The following MMP26 variants were observed in gnomAD, a reference collection of about 807,000 sequenced individuals.
MMP26 encodes the protein matrix metallopeptidase 26.
A neutral mutation model predicts 31.0 loss-of-function variants in MMP26; 33 were observed. That is an observed-to-expected ratio of 1.06 (90% CI 0.81 to 1.42). MMP26 has a LOEUF of 1.42. Among genes scored for constraint, MMP26 ranks in the 40% most tolerant of loss-of-function variants. The probability of loss-of-function intolerance (pLI) is 0.00; values close to 1 mark genes in which losing one functional copy is unlikely to be tolerated. For synonymous variants in MMP26, 122 were observed against 114.9 expected (o/e 1.06, Z -0.40); for missense variants, 347 against 316.1 (o/e 1.10, Z -0.74).
intron 1 of MMP26, chr11:4,752,039 G>A (rs1308272419): frequency 6.6e-6 from 1 of 152,030 alleles, no homozygotes; most frequent in Non-Finnish European, 1.5e-5. Context: ...TGTTAAATAT[G>A]AATTCCCTTG....
At chr11:4,911,654 T>C (rs751016882) in intron 2 of MMP26, among the ~76,000 whole-genome samples, 36 of 152,290 alleles carry the variant, frequency 2.4e-4, no homozygotes, top group South Asian at 1.0e-3. Flanking sequence ...TCAAGTTTTA[T>C]TTTTCAAATA....
intron 2 of MMP26, among the ~76,000 whole-genome samples, chr11:4,976,617 C>A (rs369301648): frequency 1.3e-5 from 2 of 151,966 alleles, no homozygotes; most frequent in Non-Finnish European, 1.5e-5. Flanking sequence ...GCCCTTCTAC[C>A]TTGGTGCCTT....
chr11:4,746,831 T>TCACACATACACACACA (rs1554929540), intron 1 of MMP26, among the ~76,000 whole-genome samples: 1 of 137,116 alleles, frequency 7.3e-6, no homozygotes, highest in Non-Finnish European at 1.6e-5. Flanking sequence ...TAAGTCTCTG[T>TCACACATACACACACA]CACACACACA....
intron 2 of MMP26, among the ~76,000 whole-genome samples, chr11:4,776,971 A>C (rs149693661): frequency 4.6e-5 from 7 of 152,254 alleles, no homozygotes; most frequent in African/African-American, 1.7e-4. Context: ...TATGTATACT[A>C]TGCTTACCAC....
chr11:4,907,708 A>C (rs772993841), intron 2 of MMP26: 30 of 1,613,708 alleles, frequency 1.9e-5, no homozygotes, highest in Non-Finnish European at 2.4e-5. Flanking sequence ...TGGAATCCTC[A>C]GTACTTCTAA....
chr11:4,745,902 T>G (rs534703579), intron 1 of MMP26, among the ~76,000 whole-genome samples: 2 of 152,308 alleles, frequency 1.3e-5, no homozygotes, highest in East Asian at 3.9e-4. Flanking sequence ...TAGTAAGTAT[T>G]TAAGTTTCTT....
intron 1 of MMP26, chr11:4,724,137 C>A: frequency 1.6e-6 from 1 of 609,288 alleles, no homozygotes; most frequent in East Asian, 2.6e-5. Context: ...TAGAGGTGGA[C>A]ACCTCGTAGG....
At chr11:4,848,342 A>G (rs1849905935) in intron 2 of MMP26, 2 of 1,614,014 alleles carry the variant, frequency 1.2e-6, no homozygotes, top group Admixed American at 1.7e-5. Context: ...ATGGAGGAAG[A>G]AGGAAATGGA....
chr11:4,856,482 T>C (rs186568067), intron 2 of MMP26, among the ~76,000 whole-genome samples: 110 of 152,294 alleles, frequency 7.2e-4, no homozygotes, highest in African/African-American at 2.4e-3. Flanking sequence ...AGAAGGCCAT[T>C]ACATAATGGT....
intron 7 of MMP26, 41 bp from the exon 8 acceptor site, chr11:4,992,173 C>A: frequency 6.3e-7 from 1 of 1,585,514 alleles, no homozygotes; most frequent in Non-Finnish European, 8.5e-7. Context: ...AGGAAAATTT[C>A]ACCTGAAATT....
chr11:4,866,246 C>A (rs182932502), intron 2 of MMP26, among the ~76,000 whole-genome samples: 1 of 152,120 alleles, frequency 6.6e-6, no homozygotes, highest in African/African-American at 2.4e-5. Flanking sequence ...AGTGGCAACA[C>A]TTAGTGCAAG....
chr11:4,921,211 C>T (rs1213032374), intron 2 of MMP26, among the ~76,000 whole-genome samples: 6 of 152,190 alleles, frequency 3.9e-5, no homozygotes, highest in Non-Finnish European at 5.9e-5. Flanking sequence ...AAGGGAAGCT[C>T]TTCTTTTCCC....
intron 2 of MMP26, among the ~76,000 whole-genome samples, chr11:4,975,759 C>G (rs773820444): frequency 6.6e-6 from 1 of 151,982 alleles, no homozygotes; most frequent in Non-Finnish European, 1.5e-5. Flanking sequence ...TATGGAGATA[C>G]GGTTCCTCTT....
intron 1 of MMP26, among the ~76,000 whole-genome samples, chr11:4,759,111 C>CAAAAAAA (rs989730402): frequency 9.3e-5 from 4 of 43,156 alleles, no homozygotes; most frequent in Non-Finnish European, 1.9e-4. Context: ...CATTCCATCT[C>CAAAAAAA]AAAAAAAAAA....
At chr11:4,892,794 G>C (rs1039312915) in intron 2 of MMP26, among the ~76,000 whole-genome samples, 4 of 152,164 alleles carry the variant, frequency 2.6e-5, no homozygotes, top group Admixed American at 2.6e-4. Context: ...ATAGCCCAGA[G>C]AGCAGAGTAC....
At position 4,936,481 on chromosome 11, in the gene MMP26, G is replaced by T. The variant is rs1411666829; in HGVS notation, c.-144-51587G>T. On this transcript the variant is annotated intron_variant, in intron 2 of 7. Coordinates refer to ENST00000380390, the MANE Select transcript of MMP26 (RefSeq NM_021801.5). Reference sequence around the variant, plus strand: ...ATTCTTGAAAGATTGATATTTAAGAGAAGTTTAAAAGTCTATTTAGGCTGG... The same window carrying T: ...ATTCTTGAAAGATTGATATTTAAGATAAGTTTAAAAGTCTATTTAGGCTGG... 2.6e-5 allele frequency among the ~76,000 whole-genome samples: 4 copies of T among 152,076 alleles called. No homozygotes were observed. In the East Asian group the frequency reaches 7.7e-4, roughly 29 times the overall value.
At chr11:4,770,029 T>C (rs1004823767) in intron 2 of MMP26, 2 of 631,884 alleles carry the variant, frequency 3.2e-6, no homozygotes, top group African/African-American at 3.7e-5. Context: ...AGTAGAGTTA[T>C]CCAAGGTCAT....
intron 2 of MMP26, among the ~76,000 whole-genome samples, chr11:4,979,638 T>G (rs910428108): frequency 6.6e-6 from 1 of 152,136 alleles, no homozygotes; most frequent in Non-Finnish European, 1.5e-5. Flanking sequence ...CCAGGGTGGC[T>G]GATGAAACTT....
intron 2 of MMP26, chr11:4,804,283 G>A (rs758229857): frequency 9.3e-6 from 15 of 1,613,906 alleles, no homozygotes; most frequent in Admixed American, 3.3e-5. Context: ...GGCACAGAAC[G>A]GAAAGGCAAT....
Sources: allele counts gnomAD v4.1 joint callset (sites outside exome capture counted in the v4.1 genomes callset), GRCh38; gene constraint gnomAD v4.1.1; transcripts MANE v1.5; gene names NCBI Gene and HGNC (gene_info 2026-07-23, HGNC 2026-07-21).